The following TAMM41 variants were observed in gnomAD, a reference collection of about 807,000 sequenced individuals.
TAMM41 encodes the protein TAM41 mitochondrial translocator assembly and maintenance homolog, also known as phosphatidate cytidylyltransferase, mitochondrial.
In TAMM41, 36 loss-of-function variants were observed where a neutral mutation model predicts 44.1. The observed-to-expected ratio is 0.82, with a 90% confidence interval of 0.63 to 1.08. The LOEUF is 1.08. Ranked by LOEUF, TAMM41 falls within the 50% of genes least tolerant of loss-of-function variation. TAMM41 has a pLI of 0.00. For synonymous variants in TAMM41, 164 were observed against 153.1 expected, an observed-to-expected ratio of 1.07 and a Z score of -0.53; for missense variants, 417 against 404.3, an observed-to-expected ratio of 1.03 and a Z score of -0.27.
chr3:11,786,286 T>TTTATTATTA (rs60089566), downstream of TAMM41, among the ~76,000 whole-genome samples: 21,102 of 138,666 alleles, frequency 0.15, 2,052 homozygotes, highest in Admixed American at 0.23. Context: ...TTTATTTAAT[T>TTTATTATTA]TTATTATTAT....
intron 3 of TAMM41, among the ~76,000 whole-genome samples, chr3:11,833,842 G>A (rs2079074869): frequency 6.6e-6 from 1 of 152,126 alleles, no homozygotes; most frequent in Non-Finnish European, 1.5e-5. Flanking sequence ...AATCAACAAA[G>A]CTGCAATATG....
chr3:11,729,949 A>G, the TAMM41 span, among the ~76,000 whole-genome samples: 1 of 152,338 alleles, frequency 6.6e-6, no homozygotes, highest in South Asian at 2.1e-4. Flanking sequence ...ATGAGAAAAC[A>G]GGGGCTCAGA....
chr3:11,792,814 C>A (rs2077510802), intron 7 of TAMM41, among the ~76,000 whole-genome samples: 1 of 152,122 alleles, frequency 6.6e-6, no homozygotes, highest in East Asian at 1.9e-4. Context: ...ATAATCCCAA[C>A]ACTTAGGGAG....
the TAMM41 span, among the ~76,000 whole-genome samples, chr3:11,776,643 C>T: frequency 7.2e-5 from 11 of 152,148 alleles, no homozygotes; most frequent in East Asian, 7.7e-4. Flanking sequence ...CACTCTATGA[C>T]GCTCACGAGA....
chr3:11,722,250 AATC>A, the TAMM41 span, among the ~76,000 whole-genome samples: 1,160 of 152,280 alleles, frequency 7.6e-3, 14 homozygotes, highest in African/African-American at 0.026. Context: ...TGCAAGGATT[AATC>A]TCACTCTTTG....
chr3:11,807,331 G>T (rs531508191), intron 7 of TAMM41: 2 of 1,455,070 alleles, frequency 1.4e-6, no homozygotes, highest in South Asian at 1.5e-5. Flanking sequence ...GTGGGTGCCA[G>T]AGTTGACTTC....
At chr3:11,744,656 C>T in the TAMM41 span, among the ~76,000 whole-genome samples, 59 of 151,532 alleles carry the variant, frequency 3.9e-4, no homozygotes, top group Non-Finnish European at 7.2e-4. Flanking sequence ...GATCCTGCCA[C>T]TGCACTCCAG....
the TAMM41 span, among the ~76,000 whole-genome samples, chr3:11,757,682 G>A: frequency 5.3e-5 from 8 of 152,304 alleles, no homozygotes; most frequent in East Asian, 3.9e-4. Flanking sequence ...AAATGACAAC[G>A]CTTTGTAACT....
At chr3:11,807,731 T>C (rs2077960017) in intron 7 of TAMM41, 102 bp downstream of exon 7, 2 of 1,536,036 alleles carry the variant, frequency 1.3e-6, no homozygotes, top group Admixed American at 3.9e-5. Flanking sequence ...AAGCTCAGCA[T>C]TTCACAAGCA....
At chr3:11,767,626 A>ATTTTTTTTTTTTTTTTTTTTTTTTTTTT in the TAMM41 span, among the ~76,000 whole-genome samples, 33 of 60,690 alleles carry the variant, frequency 5.4e-4, 13 homozygotes, top group African/African-American at 6.8e-4. Context: ...CACGTTGTGC[A>ATTTTTTTTTTTTTTTTTTTTTTTTTTTT]TTTTTTTTTT....
intron 4 of TAMM41, among the ~76,000 whole-genome samples, chr3:11,818,663 G>A (rs139988171): frequency 0.013 from 1,973 of 152,148 alleles, 19 homozygotes; most frequent in Middle Eastern, 0.024. Context: ...TTGGGAAGCC[G>A]AGGCAGGCGG....
the TAMM41 span, among the ~76,000 whole-genome samples, chr3:11,765,556 T>C: frequency 6.6e-6 from 1 of 152,216 alleles, no homozygotes; most frequent in African/African-American, 2.4e-5. Flanking sequence ...ATACCCCATA[T>C]TAAATATGCA....
chr3:11,739,941 C>T, the TAMM41 span, among the ~76,000 whole-genome samples: 1 of 152,138 alleles, frequency 6.6e-6, no homozygotes, highest in South Asian at 2.1e-4. Context: ...TGACTCAGAG[C>T]AGATGCTTCA....
chr3:11,723,853 A>G, the TAMM41 span, among the ~76,000 whole-genome samples: 2 of 152,162 alleles, frequency 1.3e-5, no homozygotes, highest in Admixed American at 6.5e-5. Flanking sequence ...GATTTTATAA[A>G]TGCGCCAGAA....
chr3:11,816,833 G>C (rs1444876684), intron 5 of TAMM41, among the ~76,000 whole-genome samples: 1 of 152,098 alleles, frequency 6.6e-6, no homozygotes, highest in Non-Finnish European at 1.5e-5. Flanking sequence ...AGTTACCTCT[G>C]GGGAGCTAAA....
the TAMM41 span, among the ~76,000 whole-genome samples, chr3:11,761,292 A>G: frequency 6.6e-6 from 1 of 151,902 alleles, no homozygotes; most frequent in Non-Finnish European, 1.5e-5. Flanking sequence ...TTCCTAATAG[A>G]CTTTGGGATC....
the TAMM41 span, among the ~76,000 whole-genome samples, chr3:11,770,217 A>G: frequency 6.6e-6 from 1 of 152,132 alleles, no homozygotes; most frequent in Non-Finnish European, 1.5e-5. Flanking sequence ...CTTCTGCAAA[A>G]TTGGCATCCA....
At chr3:11,788,186 G>C (rs2077427897), downstream of TAMM41, among the ~76,000 whole-genome samples, 1 of 152,222 alleles carries the variant, frequency 6.6e-6, no homozygotes, top group Admixed American at 6.5e-5. Context: ...TGAGTATCTA[G>C]TTGGTAAAGT....
the TAMM41 span, among the ~76,000 whole-genome samples, chr3:11,753,690 T>G: frequency 0.57 from 86,795 of 151,454 alleles, 25,245 homozygotes; most frequent in African/African-American, 0.68. Flanking sequence ...TGAGCTGAGG[T>G]TGCGCCACTG....
Sources: allele counts gnomAD v4.1 joint callset (sites outside exome capture counted in the v4.1 genomes callset), GRCh38; gene constraint gnomAD v4.1.1; transcripts MANE v1.5; gene names NCBI Gene and HGNC (gene_info 2026-07-23, HGNC 2026-07-21).